LMNTD1: variants seen among roughly 807,000 people sequenced by gnomAD.
LMNTD1 encodes the protein lamin tail domain containing 1, also known as lamin tail domain-containing protein 1.
Under a neutral mutation model 50.9 loss-of-function variants are expected in LMNTD1, and 35 were observed. The observed-to-expected ratio is 0.69, with a 90% CI of 0.53 to 0.91. LMNTD1 has a LOEUF of 0.91. Among genes scored for constraint, LMNTD1 ranks in the 40% least tolerant of loss-of-function variants. The pLI is 0.00. For missense variants in LMNTD1, 470 were observed against 475.5 expected (o/e 0.99, Z 0.11); for synonymous variants, 153 against 161.9 (o/e 0.94, Z 0.42).
intron 1 of LMNTD1, among the ~76,000 whole-genome samples, chr12:25,601,340 T>C (rs1381883060): frequency 1.3e-5 from 2 of 151,714 alleles, no homozygotes; most frequent in African/African-American, 4.8e-5. Flanking sequence ...GAGGTAGAGA[T>C]GGTTAATGGG....
chr12:25,503,746 G>A lies in LMNTD1; in HGVS notation c.*14C>T. 1.9e-6 allele frequency: 3 copies of A among 1,563,906 alleles called. No homozygotes were observed. The highest frequency in any genetic ancestry group is 2.6e-6 in the Non-Finnish European group (3 of 1,142,724). On this transcript the variant is annotated 3_prime_UTR_variant, in exon 9 of 10. Transcript: ENST00000458174. ...GCAATACAGTTACTTACCTTTAAAG[G>A]TTGAGTTGACTGCTTATTGCTTTTG... is the stretch of plus-strand genomic sequence containing the variant.
chr12:25,546,024 C>T (rs1364880309), intron 4 of LMNTD1, among the ~76,000 whole-genome samples: 2 of 151,610 alleles, frequency 1.3e-5, no homozygotes, highest in Non-Finnish European at 3.0e-5. Flanking sequence ...CTTTCTCCTT[C>T]TGTCTTGAAC....
At chr12:25,555,594 G>GT (rs1281390459), upstream of LMNTD1, among the ~76,000 whole-genome samples, 2 of 152,102 alleles carry the variant, frequency 1.3e-5, no homozygotes, top group African/African-American at 2.4e-5. Context: ...TCATGATTAT[G>GT]TTTTTTGAAA....
At chr12:25,493,678 C>G (rs1938965339) in intron 9 of LMNTD1, among the ~76,000 whole-genome samples, 1 of 152,162 alleles carries the variant, frequency 6.6e-6, no homozygotes, top group Non-Finnish European at 1.5e-5. Context: ...AAGGCAAGAT[C>G]AAGTTGAAAA....
At position 25,507,389 on chromosome 12, in the gene LMNTD1, A is replaced by G. The variant is rs186566403; in HGVS notation, c.1190-3589T>C. Reference sequence around the variant, plus strand: ...GTGATTTTTGTTTTCTTTTTAACCAATAGCCTATTAAGGGAAACTAAATCT... The same window carrying G: ...GTGATTTTTGTTTTCTTTTTAACCAGTAGCCTATTAAGGGAAACTAAATCT... On this transcript the variant is annotated intron_variant, in intron 8 of 9. Coordinates refer to ENST00000458174, the MANE Select transcript of LMNTD1 (RefSeq NM_001145728.2). 4.4e-4 allele frequency among the ~76,000 whole-genome samples: 67 copies of G among 152,328 alleles called. No individual in the cohort carries two copies. In the South Asian group the frequency reaches 0.013, roughly 31 times the overall value.
intron 1 of LMNTD1, among the ~76,000 whole-genome samples, chr12:25,576,743 G>A (rs751559078): frequency 1.6e-4 from 24 of 152,202 alleles, no homozygotes; most frequent in Non-Finnish European, 2.2e-4. Flanking sequence ...TGCTTTTGGT[G>A]TTTTAGTCAT....
At chr12:25,594,663 A>AAC (rs1292998830) in intron 1 of LMNTD1, among the ~76,000 whole-genome samples, 3 of 150,464 alleles carry the variant, frequency 2.0e-5, no homozygotes, top group African/African-American at 7.3e-5. Context: ...AAAAAAAAAA[A>AAC]AAAAAAAAAA....
intron 9 of LMNTD1, among the ~76,000 whole-genome samples, chr12:25,479,276 C>T (rs574004956): frequency 2.8e-4 from 43 of 152,158 alleles, no homozygotes; most frequent in African/African-American, 9.4e-4. Flanking sequence ...AACGTATTGT[C>T]GTGGGAATAG....
chr12:25,618,383 C>T (rs912568053), intron 1 of LMNTD1, among the ~76,000 whole-genome samples: 3 of 152,112 alleles, frequency 2.0e-5, no homozygotes, highest in Non-Finnish European at 4.4e-5. Flanking sequence ...GGACCACTCA[C>T]TCAGGTGAAA....
intron 1 of LMNTD1, among the ~76,000 whole-genome samples, chr12:25,583,146 C>T (rs559789193): frequency 1.9e-4 from 29 of 151,522 alleles, no homozygotes; most frequent in African/African-American, 6.5e-4. Context: ...CTCAGCCTCC[C>T]GAGTAGCTGG....
chr12:25,527,677 TATATACACACAC>T (rs1170737437), intron 4 of LMNTD1, among the ~76,000 whole-genome samples: 7 of 19,566 alleles, frequency 3.6e-4, no homozygotes, highest in East Asian at 7.4e-3. Context: ...TATATATATA[TATATACACACAC>T]ACACACACAC....
intron 1 of LMNTD1, among the ~76,000 whole-genome samples, chr12:25,614,072 TAA>T (rs575989353): frequency 6.9e-6 from 1 of 144,416 alleles, no homozygotes. Context: ...TGCTGGTGGG[TAA>T]AAAAAAAAAG....
chr12:25,571,345 T>TTATTTATA (rs2136355997), intron 1 of LMNTD1, among the ~76,000 whole-genome samples: 1 of 39,830 alleles, frequency 2.5e-5, no homozygotes, highest in East Asian at 2.7e-4. Context: ...GTATTTTTAT[T>TTATTTATA]TATTTATTTA....
In LMNTD1 at chr12:25,549,205, G is replaced by T. The variant is rs1039548326; in HGVS notation, c.310+121C>A. ...TAAGTTACTTTTCATAAGATGCTAG[G>T]AAGTTAGCATTTTGGGGGAGTAATA... On this transcript the variant is annotated intron_variant, in intron 3 of 9. Coordinates refer to ENST00000458174, the MANE Select transcript of LMNTD1 (RefSeq NM_001145728.2). 45 of 585,284 alleles carry T rather than the reference G, an allele frequency of 7.7e-5. No homozygotes were observed. The Admixed American group carries it at 8.2e-4, about 11-fold the overall frequency. The allele number at this position is 585,284 out of a possible 1,614,324, so 36.3% of individuals were successfully genotyped here. A position where few individuals can be genotyped will look rare whatever the true frequency, so the allele number is the denominator to read the frequency against.
intron 1 of LMNTD1, among the ~76,000 whole-genome samples, chr12:25,559,565 A>C (rs1023106268): frequency 2.0e-5 from 3 of 152,204 alleles, no homozygotes; most frequent in African/African-American, 7.2e-5. Context: ...ATGTCCAGTA[A>C]TGGGATGGCT....
At chr12:25,512,431 ATAAT>A (rs1312881907) in intron 8 of LMNTD1, among the ~76,000 whole-genome samples, 1 of 152,232 alleles carries the variant, frequency 6.6e-6, no homozygotes, top group Non-Finnish European at 1.5e-5. Flanking sequence ...ATTTTAAAAA[ATAAT>A]TAATGCAAAT....
intron 1 of LMNTD1, among the ~76,000 whole-genome samples, chr12:25,606,380 T>TCAC (rs1471330683): frequency 2.6e-5 from 4 of 152,030 alleles, no homozygotes; most frequent in Non-Finnish European, 4.4e-5. Context: ...TGAATAGGAG[T>TCAC]GGTGAGAGAG....
chr12:25,550,119 T>C (rs1565469588), intron 2 of LMNTD1, among the ~76,000 whole-genome samples: 1 of 152,340 alleles, frequency 6.6e-6, no homozygotes, highest in East Asian at 1.9e-4. Flanking sequence ...TGTGTGTATG[T>C]GTATTGGAGG....
At chr12:25,528,341 C>T (rs553851349) in intron 4 of LMNTD1, among the ~76,000 whole-genome samples, 12 of 152,228 alleles carry the variant, frequency 7.9e-5, no homozygotes, top group South Asian at 2.1e-4. Flanking sequence ...TAAATGTTAA[C>T]CCTTGTCCTT....
Sources: allele counts gnomAD v4.1 joint callset (sites outside exome capture counted in the v4.1 genomes callset), GRCh38; gene constraint gnomAD v4.1.1; transcripts MANE v1.5; gene names NCBI Gene and HGNC (gene_info 2026-07-23, HGNC 2026-07-21).